The following LHFPL2 variants were observed in gnomAD, a reference collection of about 807,000 sequenced individuals.
The protein encoded by LHFPL2 is LHFPL tetraspan subfamily member 2 protein.
Under a neutral mutation model 17.5 loss-of-function variants are expected in LHFPL2, and 7 were observed. That is an observed-to-expected ratio of 0.40 (90% CI 0.23 to 0.75). LHFPL2 has a LOEUF of 0.75. Among genes scored for constraint, LHFPL2 ranks in the 30% least tolerant of loss-of-function variants. LHFPL2 has a pLI of 0.37. For synonymous variants in LHFPL2, 134 were observed against 116.2 expected (o/e 1.15, Z -0.99); for missense variants, 241 against 294.8 (o/e 0.82, Z 1.34).
chr5:78,507,068 C>T (rs1224968052), intron 4 of LHFPL2, among the ~76,000 whole-genome samples: 2 of 152,150 alleles, frequency 1.3e-5, no homozygotes, highest in Non-Finnish European at 2.9e-5. Context: ...CAGTGGCTCA[C>T]ACCTGTAATC....
rs574430742 is a variant in LHFPL2 at position 78,487,651 on chromosome 5, C to G, written c.*1246G>C. The G allele has an allele frequency of 5.9e-5, 9 of 152,220 alleles. No individual in the cohort carries two copies. Among genetic ancestry groups the G allele is most frequent in the South Asian group, 2.1e-4 (1 of 4,820 alleles). The allele number at this position is 152,220 out of a possible 1,614,324, so 9.4% of individuals were successfully genotyped here. On this transcript the variant is annotated 3_prime_UTR_variant, in exon 5 of 5. Transcript: ENST00000380345. ...ATTTATGGAAAGTAGATTAAAAACC[C>G]CTGAATCCTTATTCATAGTGGTATT...
At chr5:78,567,405 A>G (rs929086639) in intron 2 of LHFPL2, among the ~76,000 whole-genome samples, 2 of 152,146 alleles carry the variant, frequency 1.3e-5, no homozygotes, top group African/African-American at 4.8e-5. Flanking sequence ...ACAGTATACT[A>G]AAAATATACT....
chr5:78,545,801 G>A (rs1022945944), intron 3 of LHFPL2, among the ~76,000 whole-genome samples: 1 of 152,122 alleles, frequency 6.6e-6, no homozygotes, highest in Non-Finnish European at 1.5e-5. Context: ...TAAGACACTC[G>A]CCTGAACAAT....
chr5:78,608,931 C>CAAA (rs879783916), intron 2 of LHFPL2, among the ~76,000 whole-genome samples: 1 of 87,092 alleles, frequency 1.1e-5, no homozygotes, highest in African/African-American at 3.8e-5. Flanking sequence ...GACTCCATCT[C>CAAA]AAAAAAAAAA....
intron 4 of LHFPL2, among the ~76,000 whole-genome samples, chr5:78,495,837 G>T (rs538438715): frequency 2.0e-5 from 3 of 152,188 alleles, no homozygotes; most frequent in Admixed American, 6.5e-5. Context: ...ACCATTTATG[G>T]ATGGCCATGG....
intron 2 of LHFPL2, among the ~76,000 whole-genome samples, chr5:78,602,893 T>C (rs565909978): frequency 2.6e-5 from 4 of 151,834 alleles, no homozygotes; most frequent in African/African-American, 9.7e-5. Flanking sequence ...TTTGTTTTGT[T>C]TTGTTTTGTT....
intron 2 of LHFPL2, among the ~76,000 whole-genome samples, chr5:78,618,618 A>G (rs926323284): frequency 1.3e-5 from 2 of 152,224 alleles, no homozygotes; most frequent in Non-Finnish European, 2.9e-5. Context: ...TCCTTCCAAC[A>G]AGACAGGAAC....
chr5:78,540,000 T>C (rs1756061436), intron 3 of LHFPL2, among the ~76,000 whole-genome samples: 1 of 152,094 alleles, frequency 6.6e-6, no homozygotes, highest in Non-Finnish European at 1.5e-5. Flanking sequence ...GCTGTATGAG[T>C]CTCTACAAGA....
At chr5:78,512,954 G>T (rs1353925145) in intron 3 of LHFPL2, among the ~76,000 whole-genome samples, 1 of 151,788 alleles carries the variant, frequency 6.6e-6, no homozygotes, top group Non-Finnish European at 1.5e-5. Flanking sequence ...TGGGGTTTCA[G>T]CATGTTGGCC....
At chr5:78,548,377 G>A (rs988846870) in intron 3 of LHFPL2, among the ~76,000 whole-genome samples, 3 of 152,190 alleles carry the variant, frequency 2.0e-5, no homozygotes, top group Non-Finnish European at 2.9e-5. Context: ...CGTGGGGAGC[G>A]CCCACCAGCA....
intron 3 of LHFPL2, among the ~76,000 whole-genome samples, chr5:78,514,211 T>C (rs11749361): frequency 0.3 from 44,421 of 149,316 alleles, 6,777 homozygotes; most frequent in East Asian, 0.47. Context: ...AAAGACTTCT[T>C]CTCTACGGGC....
intron 3 of LHFPL2, among the ~76,000 whole-genome samples, chr5:78,533,314 G>A (rs1201748973): frequency 6.6e-6 from 1 of 152,168 alleles, no homozygotes; most frequent in Non-Finnish European, 1.5e-5. Flanking sequence ...AAGAAATGAA[G>A]CTCTGTTCTA....
At chr5:78,574,231 C>T (rs1267846838) in intron 2 of LHFPL2, among the ~76,000 whole-genome samples, 5 of 152,204 alleles carry the variant, frequency 3.3e-5, no homozygotes. Flanking sequence ...GAGTATTTCA[C>T]ATTTCCCTTT....
At chr5:78,570,909 G>A (rs1169372550) in intron 2 of LHFPL2, among the ~76,000 whole-genome samples, 1 of 150,990 alleles carries the variant, frequency 6.6e-6, no homozygotes, top group East Asian at 1.9e-4. Flanking sequence ...GTTCTTAGTG[G>A]TCTGCATTCC....
At chr5:78,492,083 G>T (rs1029644688) in intron 4 of LHFPL2, among the ~76,000 whole-genome samples, 1 of 152,182 alleles carries the variant, frequency 6.6e-6, no homozygotes, top group Non-Finnish European at 1.5e-5. Context: ...TGATGGGGAT[G>T]TTAATAGTCT....
chr5:78,541,515 A>G (rs1756113516), intron 3 of LHFPL2, among the ~76,000 whole-genome samples: 1 of 152,162 alleles, frequency 6.6e-6, no homozygotes, highest in Non-Finnish European at 1.5e-5. Flanking sequence ...GAAAACGCAA[A>G]GTCAGTCCCC....
At chr5:78,566,469 CTT>C (rs577298735) in intron 2 of LHFPL2, among the ~76,000 whole-genome samples, 2 of 148,016 alleles carry the variant, frequency 1.4e-5, no homozygotes, top group South Asian at 4.3e-4. Context: ...GAAACTAAGA[CTT>C]TTTTTTTTTT....
At chr5:78,560,304 T>C (rs1056325451) in intron 3 of LHFPL2, among the ~76,000 whole-genome samples, 4 of 152,258 alleles carry the variant, frequency 2.6e-5, no homozygotes, top group African/African-American at 9.6e-5. Flanking sequence ...TCATGTTTCC[T>C]ACAACTGCTG....
intron 3 of LHFPL2, among the ~76,000 whole-genome samples, chr5:78,533,576 A>G (rs1755851241): frequency 6.6e-6 from 1 of 152,218 alleles, no homozygotes; most frequent in South Asian, 2.1e-4. Context: ...GGCTAGAACA[A>G]TGTCAGTGCT....
Sources: gnomAD v4.1 joint callset for allele counts (sites outside exome capture counted in the v4.1 genomes callset) on GRCh38, gnomAD v4.1.1 for gene constraint, MANE v1.5 for transcripts, NCBI Gene and HGNC (gene_info 2026-07-23, HGNC 2026-07-21) for gene names.